The following CACNA2D3 variants were observed in gnomAD, a reference collection of about 807,000 sequenced individuals.
CACNA2D3 encodes the protein calcium voltage-gated channel auxiliary subunit alpha2delta 3, also known as voltage-dependent calcium channel subunit alpha-2/delta-3.
Under a neutral mutation model 160.6 loss-of-function variants are expected in CACNA2D3, and 60 were observed. The ratio of observed to expected loss-of-function variants is 0.37; its 90% CI spans 0.30 to 0.46. The LOEUF (loss-of-function observed/expected upper bound fraction) is 0.46, where lower values mean the gene tolerates loss of function less well. Ranked by LOEUF, CACNA2D3 falls within the 20% of genes least tolerant of loss-of-function variation. The pLI is 1.00. For synonymous variants in CACNA2D3, 558 were observed against 492.9 expected (o/e 1.13, Z -1.75); for missense variants, 1,205 against 1,365.0 (o/e 0.88, Z 1.85).
In CACNA2D3 at chr3:54,437,406, C is replaced by G. The variant is rs143476857; in HGVS notation, c.381+50632C>G. 2.8e-3 allele frequency among the ~76,000 whole-genome samples: 419 copies of G among 152,262 alleles called. 2 individuals are homozygous for G. The highest frequency in any genetic ancestry group is 9.8e-3 in the African/African-American group (408 of 41,562). ...TGTGTGTTTTTGGTTTTGAATTTTT[C>G]TAAGTAAAATAAAACCCCTTGGGTA... On this transcript the variant is annotated intron_variant, in intron 4 of 37. Coordinates refer to ENST00000474759, the MANE Select transcript of CACNA2D3 (RefSeq NM_018398.3).
chr3:54,829,940 G>A (rs368363084), intron 14 of CACNA2D3, among the ~76,000 whole-genome samples: 4 of 121,906 alleles, frequency 3.3e-5, no homozygotes, highest in East Asian at 2.6e-4. Flanking sequence ...TGTCACCCAG[G>A]CTGGAGTGCA....
intron 4 of CACNA2D3, among the ~76,000 whole-genome samples, chr3:54,443,693 T>G (rs1204895969): frequency 2.0e-5 from 3 of 152,186 alleles, no homozygotes; most frequent in Admixed American, 2.0e-4. Context: ...CATTCCTTCC[T>G]CACTGGGTCG....
At chr3:54,781,450 CAGG>C (rs1164906677) in intron 13 of CACNA2D3, among the ~76,000 whole-genome samples, 1 of 152,188 alleles carries the variant, frequency 6.6e-6, no homozygotes, top group African/African-American at 2.4e-5. Context: ...GGTCAGTAAA[CAGG>C]AGAGTCTACT....
At chr3:54,930,819 AG>A (rs1352828343) in intron 27 of CACNA2D3, among the ~76,000 whole-genome samples, 1 of 152,136 alleles carries the variant, frequency 6.6e-6, no homozygotes, top group Non-Finnish European at 1.5e-5. Context: ...ATCTTGGCCA[AG>A]CATGGTGGCT....
At position 54,548,422 on chromosome 3, in the gene CACNA2D3, C is replaced by T. The variant is rs72624854; in HGVS notation, c.545-14378C>T. Among the ~76,000 whole-genome samples, 724 of 152,232 alleles carry T rather than the reference C, an allele frequency of 4.8e-3. 48 individuals are homozygous for T. In the East Asian group the frequency reaches 0.12, roughly 25 times the overall value. ...GACATAGGAGGGAGGAGCCTTTTTC[C>T]ACCCATGGTTCAAGCAAGAGATCAA... On this transcript the variant is annotated intron_variant, in intron 5 of 37. Coordinates refer to ENST00000474759, the MANE Select transcript of CACNA2D3 (RefSeq NM_018398.3).
chr3:54,175,354 C>T (rs1054968775), intron 2 of CACNA2D3, among the ~76,000 whole-genome samples: 3 of 152,036 alleles, frequency 2.0e-5, no homozygotes, highest in Non-Finnish European at 2.9e-5. Context: ...CGGTGGTTTA[C>T]GCCTGTAATC....
chr3:54,918,351 T>TC, intron 27 of CACNA2D3: 16 of 434,978 alleles, frequency 3.7e-5, no homozygotes, highest in South Asian at 1.8e-4. Context: ...TTTTTTTTTT[T>TC]TTTTGTCTTT....
intron 11 of CACNA2D3, among the ~76,000 whole-genome samples, chr3:54,666,491 T>C (rs919798118): frequency 4.6e-5 from 7 of 152,170 alleles, no homozygotes; most frequent in African/African-American, 1.7e-4. Context: ...CGTTACTGCC[T>C]CAGTTTCTAT....
At chr3:55,041,844 A>G (rs1315700134) in intron 35 of CACNA2D3, among the ~76,000 whole-genome samples, 3 of 152,066 alleles carry the variant, frequency 2.0e-5, no homozygotes, top group Non-Finnish European at 4.4e-5. Context: ...AGGTTTTGAT[A>G]TGATGCCTTT....
chr3:54,990,315 G>A (rs903406241), intron 31 of CACNA2D3, among the ~76,000 whole-genome samples: 9 of 152,202 alleles, frequency 5.9e-5, no homozygotes, highest in African/African-American at 2.2e-4. Flanking sequence ...TGGGTCACTT[G>A]AGGTCAGGAG....
chr3:55,073,343 T>A (rs898919322), intron 35 of CACNA2D3, 102 bp from the exon 36 acceptor site: 8 of 680,602 alleles, frequency 1.2e-5, no homozygotes, highest in Non-Finnish European at 2.0e-5. Context: ...AAATTTGCTT[T>A]ACAAAATATG....
chr3:55,004,550 G>C (rs1011249174), intron 31 of CACNA2D3, among the ~76,000 whole-genome samples: 1 of 152,112 alleles, frequency 6.6e-6, no homozygotes, highest in South Asian at 2.1e-4. Context: ...CAATACCTTC[G>C]TTCCCTTTGT....
At chr3:54,383,596 T>TA (rs1218387771) in intron 3 of CACNA2D3, among the ~76,000 whole-genome samples, 1 of 151,976 alleles carries the variant, frequency 6.6e-6, no homozygotes, top group African/African-American at 2.4e-5. Context: ...AAATTAAGTT[T>TA]AAAAAAAGAC....
chr3:54,508,514 A>G (rs993691786), intron 5 of CACNA2D3, among the ~76,000 whole-genome samples: 2 of 152,374 alleles, frequency 1.3e-5, no homozygotes, highest in South Asian at 4.1e-4. Flanking sequence ...CACATGGTAG[A>G]TGCTCAATAA....
chr3:54,998,713 TTTTTG>T (rs150766606), intron 31 of CACNA2D3, among the ~76,000 whole-genome samples: 40,897 of 146,938 alleles, frequency 0.28, 5,779 homozygotes, highest in Middle Eastern at 0.39. Context: ...CTAAAGTTGG[TTTTTG>T]TTTTGTTTTG....
intron 34 of CACNA2D3, among the ~76,000 whole-genome samples, chr3:55,016,276 A>G (rs1703325372): frequency 6.6e-6 from 1 of 152,242 alleles, no homozygotes; most frequent in Admixed American, 6.5e-5. Flanking sequence ...CGAGTGCAGC[A>G]GGAGTCATGG....
At chr3:54,183,860 C>T (rs1263933065) in intron 2 of CACNA2D3, among the ~76,000 whole-genome samples, 1 of 130,418 alleles carries the variant, frequency 7.7e-6, no homozygotes, top group East Asian at 2.2e-4. Flanking sequence ...ACTCGAGCCT[C>T]AGCAACAAAA....
intron 35 of CACNA2D3, among the ~76,000 whole-genome samples, chr3:55,033,584 GTATATA>G (rs36230201): frequency 0.32 from 35,633 of 112,764 alleles, 4,760 homozygotes; most frequent in Admixed American, 0.4. Flanking sequence ...ATGTGTGTGT[GTATATA>G]TATATATATA....
At chr3:54,580,461 C>T (rs1299515160) in intron 8 of CACNA2D3, among the ~76,000 whole-genome samples, 1 of 152,106 alleles carries the variant, frequency 6.6e-6, no homozygotes, top group East Asian at 1.9e-4. Context: ...CTGGTCCTCG[C>T]TGACTTTAGT....
Sources: allele counts gnomAD v4.1 joint callset (sites outside exome capture counted in the v4.1 genomes callset), GRCh38; gene constraint gnomAD v4.1.1; transcripts MANE v1.5; gene names NCBI Gene and HGNC (gene_info 2026-07-23, HGNC 2026-07-21).